PRKN: variants seen among roughly 807,000 people sequenced by gnomAD.
The protein encoded by PRKN is parkin RBR E3 ubiquitin protein ligase, also known as E3 ubiquitin-protein ligase parkin.
A neutral mutation model predicts 59.5 loss-of-function variants in PRKN; 56 were observed. The observed-to-expected ratio is 0.94, with a 90% confidence interval of 0.76 to 1.18. The LOEUF (loss-of-function observed/expected upper bound fraction) is 1.18. Ranked by LOEUF, PRKN falls within the 50% of genes most tolerant of loss-of-function variation. The pLI is 0.00. For synonymous variants in PRKN, 250 were observed against 222.1 expected (o/e 1.13, Z -1.12); for missense variants, 657 against 596.4 (o/e 1.10, Z -1.06).
rs1332559776 is a variant in PRKN, at chr6:161,628,421, C to A, written c.872-59005G>T. On this transcript the variant is annotated intron_variant, in intron 7 of 11. Coordinates refer to ENST00000366898, the MANE Select transcript of PRKN (RefSeq NM_004562.3). The stretch of plus-strand genomic sequence containing the variant: ...AAGGGATGAGAGGGCTCTCTGAGTT[C>A]CCTTTTATAAGAACACTAATCCCAT... 2.6e-5 allele frequency among the ~76,000 whole-genome samples: 4 copies of A among 152,162 alleles called. No homozygotes were observed. In the East Asian group the frequency reaches 5.8e-4, roughly 22 times the overall value.
In PRKN at chr6:161,483,629, C is replaced by T. The variant is rs1424559459; in HGVS notation, c.1083+65225G>A. On this transcript the variant is annotated intron_variant, in intron 9 of 11. Coordinates refer to ENST00000366898, the MANE Select transcript of PRKN (RefSeq NM_004562.3). This position sits in a 1 kb window ranked among gnomAD's most constrained non-coding sequence, Gnocchi z 5.0. ...CTAAAGGTGACATCTACATTAATGC[C>T]CCTCATCCCCAATAGAGAGCACATT... 6.6e-6 allele frequency among the ~76,000 whole-genome samples: 1 copy of T among 152,098 alleles called. No homozygotes were observed. Among genetic ancestry groups the T allele is most frequent in the Non-Finnish European group, 1.5e-5 (1 of 68,038 alleles).
intron 7 of PRKN, among the ~76,000 whole-genome samples, chr6:161,785,390 G>T (rs1790372116): frequency 6.6e-6 from 1 of 152,048 alleles, no homozygotes; most frequent in African/African-American, 2.4e-5. Context: ...TATATATATT[G>T]GGTATGTGTT....
chr6:162,247,672 C>T (rs974177230), intron 3 of PRKN, among the ~76,000 whole-genome samples: 2 of 152,062 alleles, frequency 1.3e-5, no homozygotes, highest in East Asian at 3.9e-4. Flanking sequence ...CTATTTTTCC[C>T]TTTTGTGTGA....
intron 6 of PRKN, among the ~76,000 whole-genome samples, chr6:161,791,776 C>A (rs145605492): frequency 6.6e-6 from 1 of 152,308 alleles, no homozygotes; most frequent in South Asian, 2.1e-4. Flanking sequence ...TATATTGCCA[C>A]GCTCACGCTC....
At chr6:162,618,165 CT>C in intron 1 of PRKN, among the ~76,000 whole-genome samples, 1 of 152,220 alleles carries the variant, frequency 6.6e-6, no homozygotes, top group East Asian at 1.9e-4. Context: ...TTTTTTAAAA[CT>C]GTTTGGAGCA....
chr6:161,620,707 C>A (rs1782864552), intron 7 of PRKN, among the ~76,000 whole-genome samples: 1 of 152,158 alleles, frequency 6.6e-6, no homozygotes, highest in Non-Finnish European at 1.5e-5. Flanking sequence ...AGGATAGTAA[C>A]TAAGGGATCC....
intron 9 of PRKN, among the ~76,000 whole-genome samples, chr6:161,539,068 AG>A (rs1173831632): frequency 6.6e-6 from 1 of 152,206 alleles, no homozygotes; most frequent in Non-Finnish European, 1.5e-5. Context: ...CTTACCCCCA[AG>A]GGGCACTAGC....
At chr6:162,298,554 T>C (rs1464593294) in intron 2 of PRKN, among the ~76,000 whole-genome samples, 2 of 151,986 alleles carry the variant, frequency 1.3e-5, no homozygotes, top group African/African-American at 4.8e-5. Flanking sequence ...GAAGTACTAA[T>C]GAAGATATTT....
At chr6:162,618,811 G>A (rs141279099) in intron 1 of PRKN, among the ~76,000 whole-genome samples, 4 of 152,288 alleles carry the variant, frequency 2.6e-5, no homozygotes, top group East Asian at 1.9e-4. Context: ...TAGGCTTTGG[G>A]GATATTACAT....
At chr6:162,211,139 T>C (rs2023073) in intron 3 of PRKN, among the ~76,000 whole-genome samples, 31,220 of 152,034 alleles carry the variant, frequency 0.21, 3,624 homozygotes, top group African/African-American at 0.29. Context: ...CGGTGGACTT[T>C]ACAAAATACT....
intron 1 of PRKN, among the ~76,000 whole-genome samples, chr6:162,529,685 G>T (rs1300161929): frequency 6.6e-6 from 1 of 152,098 alleles, no homozygotes; most frequent in Non-Finnish European, 1.5e-5. Context: ...ACCACACCCA[G>T]GGCTTATATA....
rs1348305149 is a variant in PRKN, at chr6:161,473,001, G to GT, written c.1083+75852dup. ...CATTATCAAAAAGACATAACAAGCGGTAGCACGGGTTGGAGAAAAGGGAAC... is the reference window on the plus strand; with the variant it reads ...CATTATCAAAAAGACATAACAAGCGGTTAGCACGGGTTGGAGAAAAGGGAAC... On this transcript the variant is annotated intron_variant, in intron 9 of 11. Transcript: ENST00000366898. This position sits in a 1 kb window ranked among gnomAD's most constrained non-coding sequence, Gnocchi z 4.1. Among the ~76,000 whole-genome samples the GT allele has an allele frequency of 6.6e-6, 1 of 152,112 alleles. No individual in the cohort carries two copies. The highest frequency in any genetic ancestry group is 1.5e-5 in the Non-Finnish European group (1 of 68,004).
At chr6:161,439,689 A>G (rs1789104139) in intron 9 of PRKN, among the ~76,000 whole-genome samples, 1 of 131,620 alleles carries the variant, frequency 7.6e-6, no homozygotes, top group Non-Finnish European at 1.7e-5. Context: ...CCTTTGGTGA[A>G]ACAAGGAAGC....
chr6:162,253,039 C>A (rs955819956), intron 3 of PRKN, among the ~76,000 whole-genome samples: 12 of 152,224 alleles, frequency 7.9e-5, no homozygotes, highest in Non-Finnish European at 1.8e-4. Flanking sequence ...CAGCCTACCA[C>A]CTGCGTGTGC....
chr6:162,708,083 A>C (rs910403291), intron 1 of PRKN, among the ~76,000 whole-genome samples: 6 of 152,232 alleles, frequency 3.9e-5, no homozygotes, highest in Non-Finnish European at 5.9e-5. Context: ...CATTAATTTA[A>C]TTTTCAAAAT....
Position 161,579,738 on chromosome 6 carries a change from G to A in PRKN, c.872-10322C>T, listed in dbSNP as rs1184312008. ...GGTAAAGAGAGGGGCTGGGGGTAAA[G>A]TGGAATGGGGCAGGGGAACAGAAAA... On this transcript the variant is annotated intron_variant, in intron 7 of 11. Coordinates refer to ENST00000366898, the MANE Select transcript of PRKN (RefSeq NM_004562.3). This position sits in a 1 kb window ranked among gnomAD's most constrained non-coding sequence, Gnocchi z 4.2. Among the ~76,000 whole-genome samples the A allele has an allele frequency of 6.6e-6, 1 of 152,140 alleles. No homozygotes were observed. The highest frequency in any genetic ancestry group is 1.9e-4 in the East Asian group (1 of 5,196).
chr6:162,290,960 G>C (rs528253245), intron 2 of PRKN, among the ~76,000 whole-genome samples: 1 of 152,236 alleles, frequency 6.6e-6, no homozygotes, highest in East Asian at 1.9e-4. Flanking sequence ...AGCATTCATG[G>C]AATTAAATAT....
intron 2 of PRKN, among the ~76,000 whole-genome samples, chr6:162,305,999 GA>G (rs1455840173): frequency 2.0e-5 from 3 of 151,736 alleles, no homozygotes; most frequent in African/African-American, 7.3e-5. Context: ...TTTCACAATG[GA>G]AATAAAAAAG....
chr6:161,651,502 C>G (rs958670329), intron 7 of PRKN, among the ~76,000 whole-genome samples: 14 of 152,260 alleles, frequency 9.2e-5, no homozygotes, highest in African/African-American at 3.4e-4. Flanking sequence ...TCTTTAGCCA[C>G]TTAGGCATTT....
Sources: gnomAD v4.1 joint callset for allele counts (sites outside exome capture counted in the v4.1 genomes callset) on GRCh38, gnomAD v4.1.1 for gene constraint, Gnocchi (gnomAD v3.1) non-coding constraint, MANE v1.5 for transcripts, NCBI Gene and HGNC (gene_info 2026-07-23, HGNC 2026-07-21) for gene names.